The following PLXDC1 variants were observed in gnomAD, a reference collection of about 807,000 sequenced individuals.
PLXDC1 encodes plexin domain-containing protein 1.
PLXDC1 carries 39 observed loss-of-function variants against 61.3 expected under a neutral mutation model. That is an observed-to-expected ratio of 0.64 (90% CI 0.49 to 0.83). The LOEUF (loss-of-function observed/expected upper bound fraction) is 0.83, where lower values mean the gene tolerates loss of function less well. Among genes scored for constraint, PLXDC1 ranks in the 40% least tolerant of loss-of-function variants. The pLI is 0.00. For missense variants in PLXDC1, 596 were observed against 666.5 expected (o/e 0.89, Z 1.17); for synonymous variants, 212 against 254.5 (o/e 0.83, Z 1.59).
At chr17:39,074,389 C>T (rs1384825610) in intron 11 of PLXDC1, among the ~76,000 whole-genome samples, 1 of 152,026 alleles carries the variant, frequency 6.6e-6, no homozygotes, top group African/African-American at 2.4e-5. Context: ...ATCTTTGCCA[C>T]CTCTTCCAGG....
At chr17:39,139,884 G>T in intron 1 of PLXDC1, 52 bp from the exon 2 acceptor site, 1 of 1,527,722 alleles carries the variant, frequency 6.5e-7, no homozygotes, top group Non-Finnish European at 8.8e-7. Flanking sequence ...ATGAAGATCA[G>T]GAGGGGAATC....
intron 2 of PLXDC1, among the ~76,000 whole-genome samples, chr17:39,134,914 G>A (rs1313528929): frequency 6.6e-6 from 1 of 152,060 alleles, no homozygotes; most frequent in Non-Finnish European, 1.5e-5. Flanking sequence ...TTTCCATCAT[G>A]CAGCTGGCTT....
chr17:39,099,802 A>G (rs1318390151), intron 7 of PLXDC1, among the ~76,000 whole-genome samples: 2 of 152,138 alleles, frequency 1.3e-5, no homozygotes, highest in African/African-American at 4.8e-5. Flanking sequence ...AGCTTAGTGC[A>G]TGGGAAAGAG....
chr17:39,152,865 C>G, upstream of PLXDC1: 1 of 436,788 alleles, frequency 2.3e-6, no homozygotes, highest in Non-Finnish European at 3.8e-6. Flanking sequence ...TTCCTCCTTC[C>G]GCCGGGCCCA....
chr17:39,085,987 A>T (rs1408586611), intron 8 of PLXDC1, among the ~76,000 whole-genome samples: 1 of 151,926 alleles, frequency 6.6e-6, no homozygotes, highest in Non-Finnish European at 1.5e-5. Context: ...ACTGACCTTT[A>T]TTTCTCATCA....
rs111484167 is a variant in PLXDC1, at chr17:39,140,073, T to C, written c.77-241A>G. Among the ~76,000 whole-genome samples the C allele has an allele frequency of 2.8e-3, 419 of 152,296 alleles. 1 individual carries two copies. The highest frequency in any genetic ancestry group is 9.8e-3 in the African/African-American group (407 of 41,564). ...TGCCAGCTCTCCGCAGTAGTTAGGA[T>C]GTTCTCCATTTTGCAAACAAGAATC... On this transcript the variant is annotated intron_variant, in intron 1 of 13. Coordinates refer to ENST00000315392, the MANE Select transcript of PLXDC1 (RefSeq NM_020405.5).
intron 1 of PLXDC1, among the ~76,000 whole-genome samples, chr17:39,149,148 C>T (rs901482230): frequency 1.3e-5 from 2 of 152,172 alleles, no homozygotes; most frequent in East Asian, 1.9e-4. Flanking sequence ...TCTGCTGCTG[C>T]TGTTCTAATG....
intron 2 of PLXDC1, chr17:39,127,014 T>C (rs1911331372): frequency 6.6e-6 from 1 of 151,894 alleles, no homozygotes; most frequent in South Asian, 2.1e-4. Context: ...CCTTGAAGAG[T>C]ATTAAGAATA....
chr17:39,128,087 C>CTA (rs1304464750), intron 2 of PLXDC1, among the ~76,000 whole-genome samples: 7 of 67,252 alleles, frequency 1.0e-4, no homozygotes, highest in African/African-American at 3.8e-4. Flanking sequence ...CTCTCTCTCT[C>CTA]TCTCTATGTG....
Position 39,151,344 on chromosome 17 carries a change from G to A in PLXDC1, c.76+18C>T, listed in dbSNP as rs2045371361. The A allele has an allele frequency of 7.9e-7, 1 of 1,272,292 alleles. No homozygotes were observed. Among genetic ancestry groups the A allele is most frequent in the African/African-American group, 1.5e-5 (1 of 64,698 alleles). The allele number at this position is 1,272,292 out of a possible 1,614,324, so 78.8% of individuals were successfully genotyped here. ...TCCCCGCCCCCGGCCCACCCGGGCC[G>A]GCTCCCGCCAGTCCTACCTGCTCCG... On this transcript the variant is annotated intron_variant, in intron 1 of 13. Coordinates refer to ENST00000315392, the MANE Select transcript of PLXDC1 (RefSeq NM_020405.5). This position sits in a 1 kb window ranked among gnomAD's most constrained non-coding sequence, Gnocchi z 5.2.
intron 9 of PLXDC1, chr17:39,079,435 T>C (rs762124175): frequency 1.9e-6 from 1 of 537,884 alleles, no homozygotes; most frequent in South Asian, 1.5e-5. Flanking sequence ...TGAGCTCCAG[T>C]GATCCTCAAG....
intron 2 of PLXDC1, among the ~76,000 whole-genome samples, chr17:39,115,729 C>T (rs182225513): frequency 1.9e-3 from 283 of 152,212 alleles, no homozygotes; most frequent in Middle Eastern, 0.014. Flanking sequence ...TGGGAGAGTG[C>T]TGGGCATTTC....
intron 9 of PLXDC1, chr17:39,079,718 G>A (rs1444897544): frequency 5.5e-6 from 2 of 366,678 alleles, no homozygotes; most frequent in Non-Finnish European, 1.1e-5. Context: ...CGCCCCTGTA[G>A]GGAAAGGATG....
At chr17:39,122,140 C>T (rs35213066) in intron 2 of PLXDC1, among the ~76,000 whole-genome samples, 27,127 of 144,352 alleles carry the variant, frequency 0.19, 2,769 homozygotes, top group Middle Eastern at 0.32. Flanking sequence ...CAGTGACTCA[C>T]GCCTGAAATC....
At chr17:39,077,799 G>T (rs1909397988) in intron 11 of PLXDC1, 114 bp downstream of exon 11, 2 of 961,604 alleles carry the variant, frequency 2.1e-6, no homozygotes, top group South Asian at 1.6e-5. Context: ...AAAGGATGGG[G>T]CAGTTCCCAT....
At chr17:39,124,682 C>CT (rs1369023817) in intron 2 of PLXDC1, among the ~76,000 whole-genome samples, 3 of 152,232 alleles carry the variant, frequency 2.0e-5, no homozygotes, top group Admixed American at 2.0e-4. Context: ...GGTTTTGCCA[C>CT]TTACTGGCTG....
chr17:39,072,463 A>G lies in PLXDC1; in HGVS notation c.1209T>C (p.Tyr403=), dbSNP rs1909160078. 1.3e-6 allele frequency: 2 copies of G among 1,554,798 alleles called. No individual in the cohort carries two copies. Among genetic ancestry groups the G allele is most frequent in the East Asian group, 2.3e-5 (1 of 42,618 alleles). Residue 403 remains tyrosine (Y), a synonymous_variant, in exon 12 of 14, where the codon TAT becomes TAC. Transcript: ENST00000315392. ...TTCTGTACTCACCGTCTCCTCCTGC[A>G]TAGGGATTCAACTTGGTGTCATCTT... ...TTEDDTKLNP[Y]AGGDGLQNNL...
At chr17:39,135,507 T>C (rs556906583) in intron 2 of PLXDC1, among the ~76,000 whole-genome samples, 2 of 151,904 alleles carry the variant, frequency 1.3e-5, no homozygotes, top group South Asian at 2.1e-4. Flanking sequence ...TGAAACCCCA[T>C]CTCTACTAAA....
chr17:39,088,422 G>A (rs144788589), intron 7 of PLXDC1, among the ~76,000 whole-genome samples: 12 of 152,280 alleles, frequency 7.9e-5, no homozygotes, highest in African/African-American at 1.9e-4. Flanking sequence ...TTCTGCTCAC[G>A]ACTTGCTGGA....
Sources: allele counts gnomAD v4.1 joint callset (sites outside exome capture counted in the v4.1 genomes callset), GRCh38; gene constraint gnomAD v4.1.1; non-coding constraint Gnocchi (gnomAD v3.1); transcripts MANE v1.5; gene names NCBI Gene and HGNC (gene_info 2026-07-23, HGNC 2026-07-21).